The following EPB41L5 variants were observed in gnomAD, a reference collection of about 807,000 sequenced individuals.
The protein encoded by EPB41L5 is band 4.1-like protein 5.
In EPB41L5, 55 loss-of-function variants were observed where a neutral mutation model predicts 106.6. That is an observed-to-expected ratio of 0.52 (90% CI 0.42 to 0.65). EPB41L5 has a LOEUF of 0.65. Among genes scored for constraint, EPB41L5 ranks in the 30% least tolerant of loss-of-function variants. EPB41L5 has a pLI of 0.00. For missense variants in EPB41L5, 871 were observed against 882.1 expected, an observed-to-expected ratio of 0.99 and a Z score of 0.16; for synonymous variants, 297 against 306.7, an observed-to-expected ratio of 0.97 and a Z score of 0.33.
intron 16 of EPB41L5, among the ~76,000 whole-genome samples, chr2:120,109,878 C>T (rs1574689530): frequency 6.6e-6 from 1 of 152,302 alleles, no homozygotes; most frequent in Admixed American, 6.5e-5. Flanking sequence ...ACACAGAGGA[C>T]TGGGTATGAT....
intron 17 of EPB41L5, 70 bp downstream of exon 17, chr2:120,127,921 G>T (rs1474484639): frequency 1.5e-6 from 2 of 1,337,420 alleles, no homozygotes; most frequent in South Asian, 1.8e-5. Context: ...ATTTAAATCA[G>T]CTTCTCCAAT....
intron 3 of EPB41L5, among the ~76,000 whole-genome samples, chr2:120,053,006 C>T (rs2105254617): frequency 6.6e-6 from 1 of 152,326 alleles, no homozygotes; most frequent in Admixed American, 6.5e-5. Flanking sequence ...TGTGTGGAAC[C>T]AGTCTCTAGC....
At chr2:120,017,238 A>T (rs1677585398) in intron 1 of EPB41L5, among the ~76,000 whole-genome samples, 1 of 152,232 alleles carries the variant, frequency 6.6e-6, no homozygotes, top group Admixed American at 6.5e-5. Flanking sequence ...AATTCTAGTA[A>T]TGACCTGTTG....
chr2:120,088,140 AT>A (rs1442544747), intron 11 of EPB41L5, among the ~76,000 whole-genome samples: 4 of 152,294 alleles, frequency 2.6e-5, no homozygotes, highest in Non-Finnish European at 4.4e-5. Flanking sequence ...ATGTTTAAAC[AT>A]TTTTATAACG....
At chr2:120,075,887 A>G in intron 7 of EPB41L5, 134 bp downstream of exon 7, 2 of 706,882 alleles carry the variant, frequency 2.8e-6, no homozygotes, top group Non-Finnish European at 4.8e-6. Context: ...TCAGGGTCCA[A>G]CTCTGACTTT....
chr2:120,048,118 T>TC (rs200306527), intron 3 of EPB41L5, among the ~76,000 whole-genome samples: 9 of 152,010 alleles, frequency 5.9e-5, no homozygotes, highest in African/African-American at 1.7e-4. Context: ...TGGTCTAAAA[T>TC]TCTTTTTTTG....
At chr2:120,022,347 C>A (rs561828122) in intron 2 of EPB41L5, among the ~76,000 whole-genome samples, 1 of 151,950 alleles carries the variant, frequency 6.6e-6, no homozygotes, top group Non-Finnish European at 1.5e-5. Context: ...CCCCACCCCC[C>A]GACAGGCCCT....
chr2:120,157,495 A>ATAGTGAC (rs1686950891), intron 20 of EPB41L5, among the ~76,000 whole-genome samples: 1 of 152,176 alleles, frequency 6.6e-6, no homozygotes, highest in African/African-American at 2.4e-5. Flanking sequence ...GAGGCTGGGC[A>ATAGTGAC]TAGTGACTCA....
intron 16 of EPB41L5, chr2:120,105,559 AAT>A (rs1684400430): frequency 2.0e-6 from 2 of 985,252 alleles, no homozygotes; most frequent in Non-Finnish European, 2.4e-6. Flanking sequence ...AGAACTGACT[AAT>A]ATTTAAAGAA....
intron 16 of EPB41L5, among the ~76,000 whole-genome samples, chr2:120,102,363 T>C (rs947560376): frequency 6.6e-6 from 1 of 152,200 alleles, no homozygotes; most frequent in Non-Finnish European, 1.5e-5. Context: ...GTGGTTGTGC[T>C]GAGACCTCCT....
At chr2:120,143,989 G>T (rs977333560) in intron 19 of EPB41L5, among the ~76,000 whole-genome samples, 3 of 152,122 alleles carry the variant, frequency 2.0e-5, no homozygotes, top group African/African-American at 7.2e-5. Context: ...TTGTAAAGGT[G>T]AAATAAGATA....
At chr2:120,090,566 A>C in intron 12 of EPB41L5, 50 bp downstream of exon 12, 2 of 1,523,964 alleles carry the variant, frequency 1.3e-6, no homozygotes, top group Non-Finnish European at 1.8e-6. Context: ...ACAGGCCAAA[A>C]AATTTAGGCC....
intron 10 of EPB41L5, among the ~76,000 whole-genome samples, chr2:120,081,183 C>A (rs1218229979): frequency 6.6e-6 from 1 of 152,064 alleles, no homozygotes; most frequent in African/African-American, 2.4e-5. Flanking sequence ...AGTCTTTGCC[C>A]ATGCCTATGT....
At chr2:120,062,643 T>C (rs1032531687) in intron 3 of EPB41L5, among the ~76,000 whole-genome samples, 2 of 152,232 alleles carry the variant, frequency 1.3e-5, no homozygotes, top group African/African-American at 2.4e-5. Context: ...TATTTATTGC[T>C]ACATTAGAAA....
At chr2:120,163,263 C>A (rs933575153) in intron 21 of EPB41L5, among the ~76,000 whole-genome samples, 11 of 135,808 alleles carry the variant, frequency 8.1e-5, no homozygotes, top group East Asian at 6.4e-4. Flanking sequence ...CCTCTGCCCC[C>A]CCCCCCCCCA....
intron 3 of EPB41L5, among the ~76,000 whole-genome samples, chr2:120,051,099 G>A (rs1223635831): frequency 6.6e-6 from 1 of 152,202 alleles, no homozygotes; most frequent in African/African-American, 2.4e-5. Context: ...AGGCTACTCG[G>A]GGGTCAGGGA....
intron 16 of EPB41L5, chr2:120,101,570 C>T (rs1323683673): frequency 6.6e-6 from 1 of 152,048 alleles, no homozygotes; most frequent in Non-Finnish European, 1.5e-5. Flanking sequence ...GGATTTTTCT[C>T]TTTTTCTCTT....
At chr2:120,127,617 G>T (rs1685516240) in intron 16 of EPB41L5, 71 bp from the exon 17 acceptor site, 14 of 1,264,764 alleles carry the variant, frequency 1.1e-5, no homozygotes, top group Non-Finnish European at 1.5e-5. Context: ...TGCAGATACA[G>T]AGGGTGAGTA....
chr2:120,020,778 G>T lies in EPB41L5; in HGVS notation c.180+1514G>T, dbSNP rs541517952. On this transcript the variant is annotated intron_variant, in intron 2 of 24. Transcript: ENST00000263713. Reference sequence around the variant, plus strand: ...GTTTGAAGTATGAAGTTTCAGGGTTGTTGATGGACAAGCTGATAGTAGGAG... The same window carrying T: ...GTTTGAAGTATGAAGTTTCAGGGTTTTTGATGGACAAGCTGATAGTAGGAG... 7.3e-5 allele frequency among the ~76,000 whole-genome samples: 11 copies of T among 150,762 alleles called. No individual in the cohort carries two copies. In the South Asian group the frequency reaches 2.3e-3, roughly 31 times the overall value.
Sources: allele counts gnomAD v4.1 joint callset (sites outside exome capture counted in the v4.1 genomes callset), GRCh38; gene constraint gnomAD v4.1.1; transcripts MANE v1.5; gene names NCBI Gene and HGNC (gene_info 2026-07-23, HGNC 2026-07-21).